The following FAM13A variants were observed in gnomAD, a reference collection of about 807,000 sequenced individuals.
The protein encoded by FAM13A is family with sequence similarity 13 member A, also known as protein FAM13A.
A neutral mutation model predicts 129.6 loss-of-function variants in FAM13A; 76 were observed. The observed-to-expected ratio is 0.59, with a 90% CI of 0.49 to 0.71. The LOEUF (loss-of-function observed/expected upper bound fraction) is 0.71, where lower values mean the gene tolerates loss of function less well. Ranked by LOEUF, FAM13A falls within the 30% of genes least tolerant of loss-of-function variation. The pLI, the probability that FAM13A is intolerant of heterozygous loss-of-function variation, is 0.00. For missense variants in FAM13A, 1,108 were observed against 1,249.3 expected, an observed-to-expected ratio of 0.89 and a Z score of 1.70; for synonymous variants, 443 against 449.9, an observed-to-expected ratio of 0.98 and a Z score of 0.20.
chr4:88,793,307 C>T (rs1725532870), intron 8 of FAM13A, among the ~76,000 whole-genome samples: 1 of 151,930 alleles, frequency 6.6e-6, no homozygotes, highest in Non-Finnish European at 1.5e-5. Context: ...ATGACCTGAA[C>T]CATCTAAATC....
intron 7 of FAM13A, among the ~76,000 whole-genome samples, chr4:88,807,053 T>C (rs1728697800): frequency 6.6e-6 from 1 of 152,168 alleles, no homozygotes; most frequent in Non-Finnish European, 1.5e-5. Flanking sequence ...CCTCCATATT[T>C]TGTAAAATTA....
At chr4:88,761,085 G>A (rs1193635093) in intron 13 of FAM13A, among the ~76,000 whole-genome samples, 2 of 152,150 alleles carry the variant, frequency 1.3e-5, no homozygotes, top group African/African-American at 2.4e-5. Flanking sequence ...GGTTTGAAGC[G>A]TGGCTCTGAC....
chr4:89,023,755 T>C (rs1318709348), intron 2 of FAM13A, among the ~76,000 whole-genome samples: 1 of 152,224 alleles, frequency 6.6e-6, no homozygotes, highest in African/African-American at 2.4e-5. Flanking sequence ...AGGGAAAGTT[T>C]ATAATCCTGG....
chr4:88,887,039 C>T (rs1744542002), intron 6 of FAM13A, among the ~76,000 whole-genome samples: 1 of 152,096 alleles, frequency 6.6e-6, no homozygotes, highest in African/African-American at 2.4e-5. Flanking sequence ...ATTGAAGTAA[C>T]TCAGGAATGG....
At chr4:88,820,143 C>T (rs935515031) in intron 7 of FAM13A, among the ~76,000 whole-genome samples, 9 of 152,142 alleles carry the variant, frequency 5.9e-5, no homozygotes, top group East Asian at 3.8e-4. Flanking sequence ...TCTCACAATA[C>T]GCTAAGAAAG....
chr4:88,924,089 G>A (rs1211479363), intron 5 of FAM13A, among the ~76,000 whole-genome samples: 9 of 152,132 alleles, frequency 5.9e-5, no homozygotes, highest in Non-Finnish European at 1.3e-4. Flanking sequence ...CCATGCTCAT[G>A]GGTAGGAAGA....
chr4:88,934,825 A>G (rs1753597109), intron 5 of FAM13A, among the ~76,000 whole-genome samples: 1 of 152,258 alleles, frequency 6.6e-6, no homozygotes, highest in African/African-American at 2.4e-5. Flanking sequence ...CAAATTCAAC[A>G]AAATGTAGGC....
intron 10 of FAM13A, among the ~76,000 whole-genome samples, chr4:88,782,476 ACATAT>A (rs1723144439): frequency 6.6e-6 from 1 of 152,176 alleles, no homozygotes; most frequent in Admixed American, 6.5e-5. Context: ...GAGTAAAAAT[ACATAT>A]CATATTTTAC....
At chr4:89,025,265 T>G (rs1328246801) in intron 2 of FAM13A, among the ~76,000 whole-genome samples, 2 of 127,312 alleles carry the variant, frequency 1.6e-5, no homozygotes, top group East Asian at 2.2e-4. Context: ...TTTTTTTTTT[T>G]TTTTTTTTTT....
At chr4:88,924,031 C>T (rs1447646200) in intron 5 of FAM13A, among the ~76,000 whole-genome samples, 2 of 152,102 alleles carry the variant, frequency 1.3e-5, no homozygotes, top group South Asian at 2.1e-4. Context: ...GAACTACAAA[C>T]CACTGCTCAA....
intron 19 of FAM13A, among the ~76,000 whole-genome samples, chr4:88,744,919 G>A (rs1578456800): frequency 6.6e-6 from 1 of 152,282 alleles, no homozygotes; most frequent in South Asian, 2.1e-4. Context: ...CCACCTGAAA[G>A]AGTGATGAAA....
At chr4:89,036,387 G>T (rs1173377592) in intron 1 of FAM13A, among the ~76,000 whole-genome samples, 3 of 152,172 alleles carry the variant, frequency 2.0e-5, no homozygotes, top group African/African-American at 7.2e-5. Context: ...TTTCAAAGCA[G>T]CAAACCACTC....
intron 10 of FAM13A, among the ~76,000 whole-genome samples, chr4:88,783,967 G>C (rs988415332): frequency 6.6e-6 from 1 of 152,080 alleles, no homozygotes; most frequent in Non-Finnish European, 1.5e-5. Flanking sequence ...AAGCCACCCA[G>C]TCGGTGGTAT....
chr4:88,771,967 T>A (rs990772737), intron 11 of FAM13A, among the ~76,000 whole-genome samples: 38 of 152,234 alleles, frequency 2.5e-4, no homozygotes, highest in African/African-American at 8.9e-4. Flanking sequence ...TGTTTTTGAT[T>A]ATTTTTCTTT....
chr4:88,903,256 G>A (rs1378590868), intron 6 of FAM13A, among the ~76,000 whole-genome samples: 3 of 152,086 alleles, frequency 2.0e-5, no homozygotes, highest in Admixed American at 1.3e-4. Flanking sequence ...AACAACTATT[G>A]TAAAATTCAT....
intron 5 of FAM13A, among the ~76,000 whole-genome samples, chr4:88,929,225 T>C (rs1166431351): frequency 6.6e-6 from 1 of 152,134 alleles, no homozygotes; most frequent in Non-Finnish European, 1.5e-5. Flanking sequence ...CCTATTCTCT[T>C]GTGGCCTGTA....
At chr4:88,795,367 CAAA>C (rs1329565581) in intron 8 of FAM13A, among the ~76,000 whole-genome samples, 1 of 151,730 alleles carries the variant, frequency 6.6e-6, no homozygotes, top group Non-Finnish European at 1.5e-5. Flanking sequence ...TTTATTCTAA[CAAA>C]TCAAATATAA....
At position 88,749,047 on chromosome 4, in the gene FAM13A, G is replaced by T; in HGVS notation, c.2080-14C>A. 3.8e-6 allele frequency: 6 copies of T among 1,593,804 alleles called. No homozygotes were observed. The highest frequency in any genetic ancestry group is 5.2e-6 in the Non-Finnish European group (6 of 1,162,092). The stretch of plus-strand genomic sequence containing the variant: ...ACTGTGGGAAGGCTGAGAAAAGGAA[G>T]TCTAGAGTAAATGCTTTGGAACTGG... On this transcript the variant is annotated splice_polypyrimidine_tract_variant and intron_variant, in intron 16 of 23. Transcript: ENST00000264344.
intron 11 of FAM13A, among the ~76,000 whole-genome samples, chr4:88,774,258 C>G (rs564930019): frequency 5.9e-5 from 9 of 152,164 alleles, no homozygotes; most frequent in Non-Finnish European, 1.3e-4. Flanking sequence ...TTTACCCTGC[C>G]TTATTTCTCT....
Sources: gnomAD v4.1 joint callset for allele counts (sites outside exome capture counted in the v4.1 genomes callset) on GRCh38, gnomAD v4.1.1 for gene constraint, MANE v1.5 for transcripts, NCBI Gene and HGNC (gene_info 2026-07-23, HGNC 2026-07-21) for gene names.